DNAH17: variants seen among roughly 807,000 people sequenced by gnomAD.
The protein encoded by DNAH17 is axonemal beta dynein heavy chain 17.
In DNAH17, 376 loss-of-function variants were observed where a neutral mutation model predicts 485.6. The observed-to-expected ratio is 0.77, with a 90% CI of 0.71 to 0.84. DNAH17 has a LOEUF of 0.84. Among genes scored for constraint, DNAH17 ranks in the 40% least tolerant of loss-of-function variants. The pLI is 0.00. For missense variants in DNAH17, 6,370 were observed against 5,839.3 expected, an observed-to-expected ratio of 1.09 and a Z score of -2.96; for synonymous variants, 3,031 against 2,405.9, an observed-to-expected ratio of 1.26 and a Z score of -7.60.
chr17:78,569,587 G>A, intron 7 of DNAH17, 60 bp from the exon 8 acceptor site: 1 of 1,546,558 alleles, frequency 6.5e-7, no homozygotes, highest in Non-Finnish European at 8.7e-7. Context: ...GTGACGTCCA[G>A]GCACGCCGCC....
In DNAH17 at chr17:78,439,160, T is replaced by G. The variant is rs374425721; in HGVS notation, c.11735A>C (p.Gln3912Pro). The stretch of plus-strand genomic sequence containing the variant: ...GTTCTCAGCCACCACCTCTTGTCCC[T>G]GCCCCAGGGACACATTATGGAGTTT... ...NGKLHNVSLG[Q>P]GQEVVAENAL... The change falls in exon 73 of 81, where the codon CAG becomes CCG. Residue 3912 changes from glutamine (Q) to proline (P), a missense_variant. Gln to Pro is a moderately conservative substitution (Grantham distance 76). Coordinates refer to ENST00000389840, the MANE Select transcript of DNAH17 (RefSeq NM_173628.4). 1.2e-6 allele frequency: 2 copies of G among 1,613,568 alleles called. No homozygotes were observed. The highest frequency in any genetic ancestry group is 1.7e-6 in the Non-Finnish European group (2 of 1,179,852).
chr17:78,465,093 G>A (rs908784245), intron 56 of DNAH17, among the ~76,000 whole-genome samples: 69 of 152,148 alleles, frequency 4.5e-4, no homozygotes, highest in African/African-American at 1.5e-3. Flanking sequence ...GGCTCGCGCC[G>A]CCACGCCTGA....
At position 78,441,116 on chromosome 17, in the gene DNAH17, G is replaced by A. The variant is rs1248655748; in HGVS notation, c.11612C>T (p.Pro3871Leu). The change falls in exon 72 of 81, where the codon CCC becomes CTC. Residue 3871 changes from proline to leucine, a missense_variant. Pro to Leu is a moderately conservative substitution (Grantham distance 98). Transcript: ENST00000389840. ...EFSKSYEESS[P>L]STSIFFILSP... ...GAGGATGAAGAAGATTGACGTGGAG[G>A]GGCTGCTCTCCTCGTAGGACTTAGA... The A allele has an allele frequency of 6.2e-7, 1 of 1,613,844 alleles. No individual in the cohort carries two copies. Among genetic ancestry groups the A allele is most frequent in the Non-Finnish European group, 8.5e-7 (1 of 1,179,850 alleles).
Position 78,500,437 on chromosome 17 carries a change from G to A in DNAH17, c.5508C>T (p.Ser1836=). The A allele has an allele frequency of 6.2e-7, 1 of 1,603,022 alleles. No individual in the cohort carries two copies. The highest frequency in any genetic ancestry group is 8.5e-7 in the Non-Finnish European group (1 of 1,176,420). Residue 1836 remains serine (S), a synonymous_variant, in exon 36 of 81, where the codon TCC becomes TCT. Coordinates refer to ENST00000389840, the MANE Select transcript of DNAH17 (RefSeq NM_173628.4). ...TDRCYITLTQ[S]LHLIMGGAPA... ...GGGCTCCACCCATGATGAGATGGAG[G>A]GACTGGGTCAGGGTGATATAGCACC...
chr17:78,426,984 A>ATTCT lies in DNAH17; in HGVS notation c.12709_12712dup (p.Met4238LysfsTer40), dbSNP rs768408289. On this transcript the variant is annotated frameshift_variant, in exon 78 of 81. Coordinates refer to ENST00000389840, the MANE Select transcript of DNAH17 (RefSeq NM_173628.4). LOFTEE classifies it high-confidence loss of function. The stretch of plus-strand genomic sequence containing the variant: ...GCGCATTTCGTTGGTCAGGATGTTC[A>ATTCT]TTCTTTCACATTCTTGAAAGGCGAC... 2.5e-6 allele frequency: 4 copies of ATTCT among 1,610,476 alleles called. No individual in the cohort carries two copies. Among genetic ancestry groups the ATTCT allele is most frequent in the Non-Finnish European group, 3.4e-6 (4 of 1,178,430 alleles).
chr17:78,554,028 C>G (rs564063053), intron 14 of DNAH17, among the ~76,000 whole-genome samples: 116 of 152,148 alleles, frequency 7.6e-4, no homozygotes, highest in Non-Finnish European at 1.1e-3. Flanking sequence ...CTCCTGAGCT[C>G]CAGCCATCTT....
chr17:78,425,381 C>G lies in DNAH17; in HGVS notation c.13106G>C (p.Arg4369Pro), dbSNP rs771274028. The G allele has an allele frequency of 6.2e-7, 1 of 1,613,884 alleles. No homozygotes were observed. Among genetic ancestry groups the G allele is most frequent in the Non-Finnish European group, 8.5e-7 (1 of 1,179,888 alleles). Residue 4369 changes from arginine to proline, a missense_variant, in exon 80 of 81, where the codon CGA becomes CCA. Transcript: ENST00000389840. Reference sequence around the variant, plus strand: ...GAGTCCGTACACGTAGGAGCCCTCTCGCGGAGGAGCGGTCATGTCCTCTCG... The same window carrying G: ...GAGTCCGTACACGTAGGAGCCCTCTGGCGGAGGAGCGGTCATGTCCTCTCG... ...KNREDMTAPP[R>P]EGSYVYGLFM...
At chr17:78,425,865 A>C (rs1178188142) in intron 79 of DNAH17, among the ~76,000 whole-genome samples, 2 of 149,188 alleles carry the variant, frequency 1.3e-5, no homozygotes, top group Non-Finnish European at 3.0e-5. Flanking sequence ...TCCCGGGTTC[A>C]AGCAATTCTC....
At chr17:78,468,534 C>G (rs780690687) in intron 55 of DNAH17, 83 bp downstream of exon 55, 3 of 1,483,926 alleles carry the variant, frequency 2.0e-6, no homozygotes, top group Non-Finnish European at 2.7e-6. Flanking sequence ...TCCTCCTGCT[C>G]TATGCAGAGC....
At chr17:78,515,508 C>CAA (rs201728941) in intron 25 of DNAH17, among the ~76,000 whole-genome samples, 1 of 150,874 alleles carries the variant, frequency 6.6e-6, no homozygotes, top group African/African-American at 2.4e-5. Flanking sequence ...GACTCCATCT[C>CAA]AAAAAAAATA....
At chr17:78,457,512 G>C (rs73380053) in intron 62 of DNAH17, among the ~76,000 whole-genome samples, 1,914 of 152,098 alleles carry the variant, frequency 0.013, 40 homozygotes, top group African/African-American at 0.043. Flanking sequence ...TGGATATTTG[G>C]GGTTAAATAA....
At position 78,539,936 on chromosome 17, in the gene DNAH17, A is replaced by C. The variant is rs544589658; in HGVS notation, c.2533-56T>G. ...CTTCACTGGCTGTGCTTGCTCTTTG[A>C]TCACACTGTTTAGTGCCTCTCTGGA... On this transcript the variant is annotated intron_variant, in intron 17 of 80. Transcript: ENST00000389840. The C allele has an allele frequency of 2.3e-5, 35 of 1,503,562 alleles. No individual in the cohort carries two copies. In the African/African-American group the frequency reaches 4.3e-4, roughly 19 times the overall value. 93.1% of individuals were successfully genotyped at this position (1,503,562 alleles called of 1,614,324 possible).
At chr17:78,437,576 C>G (rs1037112159) in intron 74 of DNAH17, 65 bp downstream of exon 74, 1 of 1,407,034 alleles carries the variant, frequency 7.1e-7, no homozygotes. Context: ...TCCTCGGGGC[C>G]CCAAGGGATG....
At chr17:78,426,633 T>C in intron 78 of DNAH17, 33 bp from the exon 79 acceptor site, 3 of 1,567,222 alleles carry the variant, frequency 1.9e-6, no homozygotes, top group Non-Finnish European at 2.6e-6. Context: ...TGGGGAGCCC[T>C]GAGCTGGGGC....
At chr17:78,542,536 C>T (rs1254057438) in intron 17 of DNAH17, among the ~76,000 whole-genome samples, 3 of 152,140 alleles carry the variant, frequency 2.0e-5, no homozygotes, top group Non-Finnish European at 2.9e-5. Flanking sequence ...AACTAAAATG[C>T]AAGCTGGGTG....
intron 48 of DNAH17, among the ~76,000 whole-genome samples, chr17:78,482,808 A>G (rs931442978): frequency 6.6e-6 from 1 of 152,136 alleles, no homozygotes; most frequent in African/African-American, 2.4e-5. Context: ...GATCTTTTGA[A>G]AACTCAAATC....
At chr17:78,566,481 G>A in intron 11 of DNAH17, 133 bp downstream of exon 11, 1 of 665,384 alleles carries the variant, frequency 1.5e-6, no homozygotes, top group Non-Finnish European at 2.6e-6. Context: ...TGAGGCACAG[G>A]AGACGGGCCC....
chr17:78,444,930 G>A (rs878981789), intron 70 of DNAH17, 133 bp from the exon 71 acceptor site: 5 of 913,208 alleles, frequency 5.5e-6, no homozygotes, highest in Admixed American at 6.8e-5. Context: ...AAGGAAGCCC[G>A]AGAGGCTGGC....
chr17:78,452,773 A>G (rs2087609800), intron 65 of DNAH17, among the ~76,000 whole-genome samples: 1 of 152,172 alleles, frequency 6.6e-6, no homozygotes, highest in Non-Finnish European at 1.5e-5. Context: ...AAAAAGAGCC[A>G]GACACAAAAA....
Sources: allele counts gnomAD v4.1 joint callset (sites outside exome capture counted in the v4.1 genomes callset), GRCh38; gene constraint gnomAD v4.1.1; transcripts MANE v1.5; gene names NCBI Gene and HGNC (gene_info 2026-07-23, HGNC 2026-07-21).